TBC1D15: variants seen among roughly 807,000 people sequenced by gnomAD.
TBC1D15 encodes TBC1 domain family member 15.
A neutral mutation model predicts 95.4 loss-of-function variants in TBC1D15; 39 were observed. The observed-to-expected ratio is 0.41, with a 90% CI of 0.32 to 0.53. TBC1D15 has a LOEUF of 0.53. TBC1D15 is among the 20% of genes least tolerant of loss of function. TBC1D15 has a pLI of 0.29. For synonymous variants in TBC1D15, 258 were observed against 261.3 expected (o/e 0.99, Z 0.12); for missense variants, 733 against 794.3 (o/e 0.92, Z 0.93).
At chr12:71,892,380 C>T (rs772218732) in intron 5 of TBC1D15, among the ~76,000 whole-genome samples, 15 of 151,954 alleles carry the variant, frequency 9.9e-5, no homozygotes, top group Non-Finnish European at 1.6e-4. Flanking sequence ...TTATAATAAA[C>T]AGGAGGTGTA....
chr12:71,855,046 G>T (rs767304342), intron 1 of TBC1D15, among the ~76,000 whole-genome samples: 7 of 152,114 alleles, frequency 4.6e-5, no homozygotes, highest in African/African-American at 7.2e-5. Context: ...TCACGGTTTC[G>T]CATGGCTGGG....
rs767574229 is a variant in TBC1D15, at chr12:71,894,788, C to T, written c.760C>T (p.Arg254Ter). 6 of 1,613,180 alleles carry T rather than the reference C, an allele frequency of 3.7e-6. No homozygotes were observed. The highest frequency in any genetic ancestry group is 4.5e-5 in the East Asian group (2 of 44,860). ...AGGCAGCGATCCCTCTACACATCAA[C>T]GACCACCTTCAGAAATGGCAGATTT... ...LRGSDPSTHQ[R>*]PPSEMADFLS... Residue 254 changes from arginine (R) to a stop codon, truncating the protein, a stop_gained, in exon 7 of 17, where the codon CGA becomes TGA. Transcript: ENST00000485960. LOFTEE classifies it high-confidence loss of function.
chr12:71,917,359 GATAA>G (rs1465501711), intron 12 of TBC1D15, among the ~76,000 whole-genome samples: 3 of 152,180 alleles, frequency 2.0e-5, no homozygotes, highest in South Asian at 2.1e-4. Flanking sequence ...GAAAGAATTT[GATAA>G]ATATTTATTT....
chr12:71,923,318 A>T lies in TBC1D15; in HGVS notation c.*114A>T, dbSNP rs527491826. The T allele has an allele frequency of 6.7e-6, 6 of 897,710 alleles. No homozygotes were observed. The South Asian group carries it at 8.2e-5, about 12-fold the overall frequency. 55.6% of individuals were successfully genotyped at this position (897,710 alleles called of 1,614,324 possible). A position where few individuals can be genotyped will look rare whatever the true frequency, so the allele number is the denominator to read the frequency against. On this transcript the variant is annotated 3_prime_UTR_variant, in exon 17 of 17. Transcript: ENST00000485960. Reference sequence around the variant, plus strand: ...ATCATGCTTTAAGGTTTATGTAAAGAAAGTGTACTGATGTTCTTACATTAA... The same window carrying T: ...ATCATGCTTTAAGGTTTATGTAAAGTAAGTGTACTGATGTTCTTACATTAA...
chr12:71,911,797 A>G (rs1399810742), intron 11 of TBC1D15, among the ~76,000 whole-genome samples: 2 of 143,650 alleles, frequency 1.4e-5, no homozygotes, highest in African/African-American at 5.9e-5. Context: ...AAAAATAAAA[A>G]AAATAAAATA....
chr12:71,909,485 A>G (rs564240121), intron 11 of TBC1D15, among the ~76,000 whole-genome samples: 5 of 152,292 alleles, frequency 3.3e-5, no homozygotes, highest in African/African-American at 9.6e-5. Context: ...TACTACAGAA[A>G]GTTTCTGTGG....
chr12:71,892,359 A>G (rs1482839712), intron 5 of TBC1D15, among the ~76,000 whole-genome samples: 1 of 152,092 alleles, frequency 6.6e-6, no homozygotes, highest in Non-Finnish European at 1.5e-5. Flanking sequence ...TAAAGATCTT[A>G]TCTCAAACAT....
intron 1 of TBC1D15, among the ~76,000 whole-genome samples, chr12:71,860,835 G>T (rs1469666092): frequency 6.6e-6 from 1 of 152,112 alleles, no homozygotes; most frequent in African/African-American, 2.4e-5. Context: ...ACTTTTCCCT[G>T]TTAAGTATGA....
intron 2 of TBC1D15, among the ~76,000 whole-genome samples, 197 bp downstream of exon 2, chr12:71,872,365 C>T (rs1262931851): frequency 6.6e-6 from 1 of 152,010 alleles, no homozygotes. Flanking sequence ...CTTGATAAAC[C>T]CATCATAAAT....
chr12:71,893,033 TTA>T (rs1342102542), intron 5 of TBC1D15, among the ~76,000 whole-genome samples, 187 bp from the exon 6 acceptor site: 7 of 151,938 alleles, frequency 4.6e-5, no homozygotes, highest in Non-Finnish European at 1.0e-4. Flanking sequence ...ATTTTGTATT[TTA>T]TGTTTCATGT....
intron 10 of TBC1D15, 145 bp from the exon 11 acceptor site, chr12:71,906,877 A>C: frequency 4.3e-6 from 2 of 466,706 alleles, no homozygotes; most frequent in Non-Finnish European, 7.5e-6. Flanking sequence ...TTTGAAATAG[A>C]ATTTGATGAA....
chr12:71,894,091 A>G (rs1897713832), intron 6 of TBC1D15, among the ~76,000 whole-genome samples: 1 of 152,082 alleles, frequency 6.6e-6, no homozygotes, highest in Middle Eastern at 3.2e-3. Context: ...ATGAGCAAAT[A>G]GTTTGGGCTT....
In TBC1D15 at chr12:71,923,438, G is replaced by A. The variant is rs936606881; in HGVS notation, c.*234G>A. The A allele has an allele frequency of 7.5e-5, 31 of 413,072 alleles. No individual in the cohort carries two copies. Among genetic ancestry groups the A allele is most frequent in the Non-Finnish European group, 1.1e-4 (26 of 231,552 alleles). 25.6% of individuals were successfully genotyped at this position (413,072 alleles called of 1,614,324 possible). On this transcript the variant is annotated 3_prime_UTR_variant, in exon 17 of 17. Coordinates refer to ENST00000485960, the MANE Select transcript of TBC1D15 (RefSeq NM_001146213.3). Reference sequence around the variant, plus strand: ...CATTCCTCAGTATTTTTATAGCCAAGTACATTTTATTTTCTTGCTGATGAA... The same window carrying A: ...CATTCCTCAGTATTTTTATAGCCAAATACATTTTATTTTCTTGCTGATGAA...
At chr12:71,880,332 G>T in intron 3 of TBC1D15, 137 bp from the exon 4 acceptor site, 2 of 552,724 alleles carry the variant, frequency 3.6e-6, no homozygotes, top group Non-Finnish European at 3.0e-6. Flanking sequence ...AGAGAGAAAA[G>T]TATAGGAAAT....
At chr12:71,854,790 C>G (rs1888652961) in intron 1 of TBC1D15, 3 of 456,536 alleles carry the variant, frequency 6.6e-6, no homozygotes, top group African/African-American at 6.0e-5. Context: ...TGCAGATTCG[C>G]TTGGTGACAG....
chr12:71,866,246 C>T (rs2138208082), intron 1 of TBC1D15, among the ~76,000 whole-genome samples: 1 of 152,228 alleles, frequency 6.6e-6, no homozygotes, highest in East Asian at 1.9e-4. Flanking sequence ...TGCCACAGTT[C>T]CAGTTCCAAG....
intron 5 of TBC1D15, among the ~76,000 whole-genome samples, chr12:71,890,002 A>G (rs1054815020): frequency 1.3e-5 from 2 of 152,136 alleles, no homozygotes; most frequent in East Asian, 1.9e-4. Context: ...GTAGTATTCC[A>G]TGGTGTATAT....
chr12:71,842,704 G>T (rs971134043), intron 1 of TBC1D15, among the ~76,000 whole-genome samples: 1 of 151,844 alleles, frequency 6.6e-6, no homozygotes, highest in Non-Finnish European at 1.5e-5. Flanking sequence ...GGTGACATGT[G>T]CCTGTTGTCC....
chr12:71,916,837 A>G (rs1279164189), intron 12 of TBC1D15, among the ~76,000 whole-genome samples: 1 of 152,132 alleles, frequency 6.6e-6, no homozygotes, highest in Non-Finnish European at 1.5e-5. Flanking sequence ...GCAGTTCCCA[A>G]ACTTTGTGAC....
Sources: gnomAD v4.1 joint callset for allele counts (sites outside exome capture counted in the v4.1 genomes callset) on GRCh38, gnomAD v4.1.1 for gene constraint, MANE v1.5 for transcripts, NCBI Gene and HGNC (gene_info 2026-07-23, HGNC 2026-07-21) for gene names.